Variants in RHEB observed in about 807,000 individuals in gnomAD.
RHEB encodes the protein Ras homolog, mTORC1 binding, also known as GTP-binding protein Rheb.
RHEB carries 2 observed loss-of-function variants against 28.8 expected under a neutral mutation model. That is an observed-to-expected ratio of 0.07 (90% confidence interval 0.03 to 0.22). RHEB has a LOEUF of 0.22. Ranked by LOEUF, RHEB falls within the 10% of genes least tolerant of loss-of-function variation. The pLI is 1.00. For missense variants in RHEB, 76 were observed against 219.9 expected (o/e 0.35, Z 4.14); for synonymous variants, 69 against 77.3 (o/e 0.89, Z 0.56).
chr7:151,494,196 T>C (rs903819562), intron 1 of RHEB, among the ~76,000 whole-genome samples: 4 of 152,234 alleles, frequency 2.6e-5, no homozygotes, highest in Non-Finnish European at 1.5e-5. Flanking sequence ...GTAGTAGAAC[T>C]GGACTAAAAA....
At position 151,487,877 on chromosome 7, in the gene RHEB, T is replaced by C. The variant is rs144221847; in HGVS notation, c.124+3066A>G. 1.5e-3 allele frequency among the ~76,000 whole-genome samples: 236 copies of C among 152,344 alleles called. 1 individual carries two copies. Among genetic ancestry groups the C allele is most frequent in the African/African-American group, 5.6e-3 (234 of 41,584 alleles). On this transcript the variant is annotated intron_variant, in intron 2 of 7. Coordinates refer to ENST00000262187, the MANE Select transcript of RHEB (RefSeq NM_005614.4). Reference sequence around the variant, plus strand: ...ATAGCTATTTACTAGTAAATGCTACTAACCACGGTCATAGAGGTTTCCAAA... The same window carrying C: ...ATAGCTATTTACTAGTAAATGCTACCAACCACGGTCATAGAGGTTTCCAAA...
intron 1 of RHEB, chr7:151,502,346 G>T: frequency 2.4e-6 from 2 of 829,182 alleles, no homozygotes; most frequent in Non-Finnish European, 4.2e-6. Context: ...GTTATCAGAT[G>T]AGTTTGGAAC....
rs1164533748 is a variant in RHEB at position 151,472,391 on chromosome 7, A to C, written c.276-786T>G. 6.6e-6 allele frequency among the ~76,000 whole-genome samples: 1 copy of C among 152,194 alleles called. No homozygotes were observed. Among genetic ancestry groups the C allele is most frequent in the African/African-American group, 2.4e-5 (1 of 41,454 alleles). ...AGCAACCAGAGGACTCTGCTGCAGC[A>C]GATGGACGGTGCCTGGTTCAACATC... On this transcript the variant is annotated intron_variant, in intron 4 of 7. Coordinates refer to ENST00000262187, the MANE Select transcript of RHEB (RefSeq NM_005614.4). The surrounding 1 kb of genome is among the most constrained non-coding windows in gnomAD (Gnocchi z 5.2).
At position 151,472,987 on chromosome 7, in the gene RHEB, T is replaced by G. The variant is rs1333502822; in HGVS notation, c.276-1382A>C. On this transcript the variant is annotated intron_variant, in intron 4 of 7. Transcript: ENST00000262187. This position sits in a 1 kb window ranked among gnomAD's most constrained non-coding sequence, Gnocchi z 5.2. ...TGTCGCCACTTGGGCAAAAATACAG[T>G]ACCCTGTCACGTGAGAAACAGCTGA... Among the ~76,000 whole-genome samples, 1 of 152,198 alleles carries G rather than the reference T, an allele frequency of 6.6e-6. No individual in the cohort carries two copies. The highest frequency in any genetic ancestry group is 2.4e-5 in the African/African-American group (1 of 41,452).
intron 1 of RHEB, among the ~76,000 whole-genome samples, chr7:151,508,946 A>G (rs1252552766): frequency 6.6e-6 from 1 of 152,176 alleles, no homozygotes; most frequent in Non-Finnish European, 1.5e-5. Flanking sequence ...GTACAGCTCA[A>G]TTTTTTAGGA....
chr7:151,506,475 C>T (rs1210021953), intron 1 of RHEB, among the ~76,000 whole-genome samples: 1 of 152,048 alleles, frequency 6.6e-6, no homozygotes, highest in Non-Finnish European at 1.5e-5. Flanking sequence ...CTATAACGTG[C>T]TTTGTGAGGA....
At chr7:151,467,574 C>T (rs1467456064) in intron 7 of RHEB, among the ~76,000 whole-genome samples, 2 of 152,072 alleles carry the variant, frequency 1.3e-5, no homozygotes, top group African/African-American at 2.4e-5. Flanking sequence ...CACTATCTTT[C>T]CTCCTTTCCT....
chr7:151,492,442 T>C (rs1002480743), intron 1 of RHEB, among the ~76,000 whole-genome samples: 8 of 151,924 alleles, frequency 5.3e-5, no homozygotes, highest in Admixed American at 3.9e-4. Flanking sequence ...TGGTTGGTCC[T>C]GTCTCTACTA....
chr7:151,519,425 G>A (rs1185117138), intron 1 of RHEB, 35 bp downstream of exon 1: 8 of 1,377,254 alleles, frequency 5.8e-6, no homozygotes, highest in Non-Finnish European at 6.6e-6. Context: ...AGGCCCCGGC[G>A]GCGCGAGGAG....
At chr7:151,471,301 A>C in intron 6 of RHEB, 93 bp downstream of exon 6, 1 of 880,690 alleles carries the variant, frequency 1.1e-6, no homozygotes, top group Non-Finnish European at 1.8e-6. Context: ...TAAAAATGCT[A>C]CAGCTAAAAA....
At chr7:151,477,159 A>C (rs1802285128) in intron 4 of RHEB, among the ~76,000 whole-genome samples, 174 bp downstream of exon 4, 1 of 152,112 alleles carries the variant, frequency 6.6e-6, no homozygotes, top group African/African-American at 2.4e-5. Flanking sequence ...AACTAACAGA[A>C]CATCTAGTGG....
At chr7:151,500,445 GCA>G (rs1802753786) in intron 1 of RHEB, among the ~76,000 whole-genome samples, 1 of 152,238 alleles carries the variant, frequency 6.6e-6, no homozygotes, top group East Asian at 1.9e-4. Context: ...GGAAGAAAAT[GCA>G]CACTCCCAAA....
In RHEB at chr7:151,484,721, A is replaced by T. The variant is rs1802437528; in HGVS notation, c.192+16T>A. On this transcript the variant is annotated intron_variant, in intron 3 of 7. Coordinates refer to ENST00000262187, the MANE Select transcript of RHEB (RefSeq NM_005614.4). ...GATATGCTGTATAAGATTCTGAGAT[A>T]CCAGAGGTCACTTACTTGCCCGGCT... The T allele has an allele frequency of 1.3e-6, 2 of 1,573,178 alleles. No individual in the cohort carries two copies. The highest frequency in any genetic ancestry group is 2.7e-5 in the African/African-American group (2 of 74,092).
At chr7:151,480,839 C>T (rs1490363552) in intron 3 of RHEB, among the ~76,000 whole-genome samples, 1 of 152,076 alleles carries the variant, frequency 6.6e-6, no homozygotes, top group Non-Finnish European at 1.5e-5. Context: ...CATGTACCAC[C>T]ATGTCTGGCT....
intron 1 of RHEB, among the ~76,000 whole-genome samples, chr7:151,513,060 T>C (rs953901902): frequency 2.0e-5 from 3 of 152,204 alleles, no homozygotes; most frequent in African/African-American, 7.2e-5. Flanking sequence ...ACAGTGTCCT[T>C]GAAAAAGCAG....
chr7:151,512,839 G>A (rs1277308252), intron 1 of RHEB, among the ~76,000 whole-genome samples: 1 of 152,320 alleles, frequency 6.6e-6, no homozygotes, highest in East Asian at 1.9e-4. Context: ...GTCTCATGAG[G>A]TCAAAACGAT....
At chr7:151,479,984 G>A (rs1802353732) in intron 3 of RHEB, among the ~76,000 whole-genome samples, 1 of 152,142 alleles carries the variant, frequency 6.6e-6, no homozygotes, top group Non-Finnish European at 1.5e-5. Context: ...AAGAAGAAAA[G>A]TGCATTATTA....
At position 151,477,423 on chromosome 7, in the gene RHEB, GA is replaced by G. The variant is rs575710391; in HGVS notation, c.193-9del. ...AAAGATAGAATATTCATCCTGTGGG[GA>G]AAAAAAATTATCTTTGAGTAGTCTT... On this transcript the variant is annotated splice_polypyrimidine_tract_variant and intron_variant, in intron 3 of 7. Coordinates refer to ENST00000262187, the MANE Select transcript of RHEB (RefSeq NM_005614.4). The G allele has an allele frequency of 9.9e-5, 149 of 1,507,550 alleles. No homozygotes were observed. Among genetic ancestry groups the G allele is most frequent in the South Asian group, 5.3e-4 (44 of 82,770 alleles). The allele number at this position is 1,507,550 out of a possible 1,614,324, so 93.4% of individuals were successfully genotyped here.
chr7:151,483,485 G>A (rs904973142), intron 3 of RHEB, among the ~76,000 whole-genome samples: 9 of 152,146 alleles, frequency 5.9e-5, no homozygotes, highest in African/African-American at 1.7e-4. Flanking sequence ...TTCAGAGGCC[G>A]AGGCAGGTGA....
Sources: gnomAD v4.1 joint callset for allele counts (sites outside exome capture counted in the v4.1 genomes callset) on GRCh38, gnomAD v4.1.1 for gene constraint, Gnocchi (gnomAD v3.1) non-coding constraint, MANE v1.5 for transcripts, NCBI Gene and HGNC (gene_info 2026-07-23, HGNC 2026-07-21) for gene names.